AUH: variants seen among roughly 807,000 people sequenced by gnomAD.
AUH encodes methylglutaconyl-CoA hydratase, mitochondrial.
In AUH, 29 loss-of-function variants were observed where a neutral mutation model predicts 42.3. The observed-to-expected ratio is 0.69, with a 90% confidence interval of 0.51 to 0.93. The LOEUF is 0.93. AUH is among the 40% of genes least tolerant of loss of function. AUH has a pLI of 0.00. For synonymous variants in AUH, 174 were observed against 166.4 expected (o/e 1.05, Z -0.35); for missense variants, 452 against 438.1 (o/e 1.03, Z -0.28).
chr9:91,310,663 T>C (rs1828633099), intron 4 of AUH, among the ~76,000 whole-genome samples: 9 of 152,244 alleles, frequency 5.9e-5, no homozygotes, highest in Admixed American at 5.9e-4. Flanking sequence ...TATGGCATTA[T>C]CTTTGAGAAA....
At chr9:91,323,033 TAGAAG>T (rs1186626189) in intron 4 of AUH, among the ~76,000 whole-genome samples, 5 of 152,120 alleles carry the variant, frequency 3.3e-5, no homozygotes, top group Non-Finnish European at 5.9e-5. Flanking sequence ...CAAGTTGAAA[TAGAAG>T]AGAACTGCCT....
chr9:91,338,173 A>C (rs1014116876), intron 3 of AUH, among the ~76,000 whole-genome samples: 1 of 152,252 alleles, frequency 6.6e-6, no homozygotes, highest in African/African-American at 2.4e-5. Context: ...ACTTTTCCTC[A>C]AAGTGAAGTG....
chr9:91,228,390 G>A (rs1169132450), intron 6 of AUH, among the ~76,000 whole-genome samples: 43 of 148,838 alleles, frequency 2.9e-4, no homozygotes, highest in Non-Finnish European at 4.4e-4. Context: ...CTGTGGGATC[G>A]GTGGTGATAT....
intron 3 of AUH, among the ~76,000 whole-genome samples, chr9:91,350,067 T>A (rs1232011990): frequency 6.6e-6 from 1 of 152,342 alleles, no homozygotes; most frequent in Admixed American, 6.5e-5. Context: ...TAGCACACCA[T>A]GTGAAAACAC....
intron 3 of AUH, among the ~76,000 whole-genome samples, chr9:91,342,328 T>C (rs1352616945): frequency 6.6e-6 from 1 of 152,176 alleles, no homozygotes; most frequent in Non-Finnish European, 1.5e-5. Context: ...CCCTTGTCTT[T>C]ACATTGGGCC....
Position 91,259,559 on chromosome 9 carries a change from T to C in AUH, c.655+36462A>G, listed in dbSNP as rs184875470. Among the ~76,000 whole-genome samples the C allele has an allele frequency of 4.0e-3, 603 of 152,250 alleles. 6 individuals carry two copies. Among genetic ancestry groups the C allele is most frequent in the African/African-American group, 0.014 (585 of 41,578 alleles). The stretch of plus-strand genomic sequence containing the variant: ...TAGATCACTGATTCTAGACCTTTTT[T>C]CCTAAGATTTTAAAGTTATAATTTC... On this transcript the variant is annotated intron_variant, in intron 6 of 9. Coordinates refer to ENST00000375731, the MANE Select transcript of AUH (RefSeq NM_001698.3).
chr9:91,319,078 C>T (rs1587848920), intron 4 of AUH, among the ~76,000 whole-genome samples: 1 of 152,202 alleles, frequency 6.6e-6, no homozygotes, highest in Admixed American at 6.5e-5. Flanking sequence ...ATAATCTCTC[C>T]TGTATCTATA....
chr9:91,322,664 T>C (rs891455641), intron 4 of AUH, among the ~76,000 whole-genome samples: 1 of 152,206 alleles, frequency 6.6e-6, no homozygotes, highest in Non-Finnish European at 1.5e-5. Flanking sequence ...TAGAAAAACA[T>C]GGAAAGCTTT....
At chr9:91,291,482 T>C (rs1008120467) in intron 6 of AUH, among the ~76,000 whole-genome samples, 14 of 152,368 alleles carry the variant, frequency 9.2e-5, no homozygotes, top group Middle Eastern at 6.8e-3. Context: ...ATATTAGTTA[T>C]CTGGGAATTC....
rs140816485 is a variant in AUH, at chr9:91,253,423, C to G, written c.656-32431G>C. 1.8e-3 allele frequency among the ~76,000 whole-genome samples: 267 copies of G among 152,216 alleles called. 1 individual carries two copies. Among genetic ancestry groups the G allele is most frequent in the African/African-American group, 6.1e-3 (253 of 41,524 alleles). On this transcript the variant is annotated intron_variant, in intron 6 of 9. Coordinates refer to ENST00000375731, the MANE Select transcript of AUH (RefSeq NM_001698.3). ...TGTTAAATTTATAAACACATCCCAC[C>G]AAACTCTGTGAAAGCAGAAAATAAA...
chr9:91,266,104 T>C (rs2131473791), intron 6 of AUH, among the ~76,000 whole-genome samples: 2 of 152,292 alleles, frequency 1.3e-5, no homozygotes, highest in South Asian at 4.1e-4. Context: ...GGCTCATGCG[T>C]GTAATCCCAG....
At chr9:91,341,568 C>T (rs59800170) in intron 3 of AUH, among the ~76,000 whole-genome samples, 4 of 152,324 alleles carry the variant, frequency 2.6e-5, no homozygotes, top group African/African-American at 4.8e-5. Context: ...AAGCCACCTA[C>T]GCATGCTCTG....
chr9:91,259,874 G>A lies in AUH; in HGVS notation c.655+36147C>T, dbSNP rs1587712857. On this transcript the variant is annotated intron_variant, in intron 6 of 9. Coordinates refer to ENST00000375731, the MANE Select transcript of AUH (RefSeq NM_001698.3). ...TAAATATTCCACGTGCATTTTGAAC[G>A]TGAATTCTGTTCTTCTGTTGAGTTC... Among the ~76,000 whole-genome samples the A allele has an allele frequency of 2.0e-5, 3 of 151,978 alleles. 1 individual carries two copies. The highest frequency in any genetic ancestry group is 4.8e-5 in the African/African-American group (2 of 41,400).
At chr9:91,232,657 G>T (rs1165648725) in intron 6 of AUH, among the ~76,000 whole-genome samples, 1 of 152,240 alleles carries the variant, frequency 6.6e-6, no homozygotes, top group Non-Finnish European at 1.5e-5. Context: ...TATGAAGAAA[G>T]AAAGCGCCTT....
At chr9:91,325,639 T>G (rs1228636530) in intron 3 of AUH, among the ~76,000 whole-genome samples, 3 of 152,202 alleles carry the variant, frequency 2.0e-5, no homozygotes, top group Non-Finnish European at 4.4e-5. Flanking sequence ...CTTTCCAGTC[T>G]CAGGCCCCTT....
At chr9:91,274,681 T>C (rs1825407781) in intron 6 of AUH, among the ~76,000 whole-genome samples, 1 of 152,170 alleles carries the variant, frequency 6.6e-6, no homozygotes, top group African/African-American at 2.4e-5. Context: ...ATTAAATAAA[T>C]CTTTATGTAG....
chr9:91,228,450 C>A (rs995998564), intron 6 of AUH, among the ~76,000 whole-genome samples: 1 of 146,688 alleles, frequency 6.8e-6, no homozygotes, highest in Admixed American at 6.8e-5. Flanking sequence ...CTCTTTTTTT[C>A]TTTATTAGTC....
chr9:91,320,113 C>A (rs1829455943), intron 4 of AUH, among the ~76,000 whole-genome samples: 1 of 152,166 alleles, frequency 6.6e-6, no homozygotes, highest in Non-Finnish European at 1.5e-5. Flanking sequence ...TTAATCAAAT[C>A]TCATATATTT....
intron 3 of AUH, among the ~76,000 whole-genome samples, chr9:91,348,755 G>C (rs750679362): frequency 6.6e-6 from 1 of 152,130 alleles, no homozygotes; most frequent in Non-Finnish European, 1.5e-5. Context: ...GCAAGGGAAG[G>C]GGCTTGACTG....
Sources: allele counts gnomAD v4.1 joint callset (sites outside exome capture counted in the v4.1 genomes callset), GRCh38; gene constraint gnomAD v4.1.1; transcripts MANE v1.5; gene names NCBI Gene and HGNC (gene_info 2026-07-23, HGNC 2026-07-21).